GARIN1B: variants seen among roughly 807,000 people sequenced by gnomAD.
GARIN1B encodes the protein golgi associated RAB2 interactor 1B.
At chr7:128,729,968 C>G in the GARIN1B span, 6 of 1,614,080 alleles carry the variant, frequency 3.7e-6, no homozygotes, top group Admixed American at 3.3e-5. Context: ...GCTTCATTCA[C>G]GTACGGAGAG....
the GARIN1B span, chr7:128,725,007 C>A: frequency 3.1e-6 from 2 of 646,702 alleles, no homozygotes; most frequent in Non-Finnish European, 4.3e-6. Context: ...ATCCAGATGT[C>A]AGGATCCAAT....
At chr7:128,714,126 T>A in the GARIN1B span, 1 of 1,536,086 alleles carries the variant, frequency 6.5e-7, no homozygotes, top group Non-Finnish European at 8.7e-7. Flanking sequence ...ACTGATGGAA[T>A]TGGATGGTGA....
the GARIN1B span, among the ~76,000 whole-genome samples, chr7:128,718,546 A>G: frequency 6.6e-6 from 1 of 152,202 alleles, no homozygotes; most frequent in Admixed American, 6.5e-5. Context: ...TCTAGGGCAC[A>G]CGAGAATCAT....
chr7:128,715,305 C>T, the GARIN1B span: 6 of 1,478,810 alleles, frequency 4.1e-6, no homozygotes, highest in East Asian at 1.2e-4. Context: ...GCAGGTCTGT[C>T]CTGGTTTTTC....
At chr7:128,726,815 G>A in the GARIN1B span, 1 of 1,613,872 alleles carries the variant, frequency 6.2e-7, no homozygotes. Flanking sequence ...CCTTGATCCT[G>A]AAATGGCTCG....
the GARIN1B span, among the ~76,000 whole-genome samples, chr7:128,720,209 T>C: frequency 6.6e-6 from 1 of 151,438 alleles, no homozygotes; most frequent in Non-Finnish European, 1.5e-5. Flanking sequence ...TCTTCTTTTT[T>C]TTTTTTTTTG....
At chr7:128,726,565 C>T in the GARIN1B span, among the ~76,000 whole-genome samples, 42 of 152,150 alleles carry the variant, frequency 2.8e-4, no homozygotes, top group African/African-American at 9.6e-4. Context: ...GATGGAGTCA[C>T]CCCCTCCTCC....
At chr7:128,722,011 C>T in the GARIN1B span, among the ~76,000 whole-genome samples, 1 of 152,078 alleles carries the variant, frequency 6.6e-6, no homozygotes, top group African/African-American at 2.4e-5. Flanking sequence ...AGTTTGCTTA[C>T]ATTACATTAA....
the GARIN1B span, chr7:128,709,259 A>C: frequency 6.6e-6 from 1 of 152,214 alleles, no homozygotes; most frequent in African/African-American, 2.4e-5. Context: ...GGGGTCTTTG[A>C]CTACCTGGAC....
chr7:128,726,774 T>A, the GARIN1B span: 2 of 1,595,470 alleles, frequency 1.3e-6, no homozygotes, highest in Non-Finnish European at 1.7e-6. Context: ...ACAAATTTAA[T>A]GTTCTTTTCC....
At chr7:128,709,326 T>C in the GARIN1B span, 1 of 152,226 alleles carries the variant, frequency 6.6e-6, no homozygotes, top group Non-Finnish European at 1.5e-5. Context: ...CCTGTACCTC[T>C]CCTTTATTTG....
At chr7:128,723,893 T>A in the GARIN1B span, among the ~76,000 whole-genome samples, 1 of 152,202 alleles carries the variant, frequency 6.6e-6, no homozygotes, top group South Asian at 2.1e-4. Context: ...ACAGCAAGCA[T>A]GGTGGGCTTG....
the GARIN1B span, among the ~76,000 whole-genome samples, chr7:128,726,595 G>A: frequency 6.6e-6 from 1 of 151,840 alleles, no homozygotes; most frequent in African/African-American, 2.4e-5. Context: ...TCAGCAGCAT[G>A]GGCTCTGCTC....
chr7:128,714,895 G>A, the GARIN1B span, among the ~76,000 whole-genome samples: 1 of 152,140 alleles, frequency 6.6e-6, no homozygotes, highest in Non-Finnish European at 1.5e-5. Context: ...AAGTCCTGCA[G>A]AAGTAACCAG....
chr7:128,717,758 G>GTT, the GARIN1B span, among the ~76,000 whole-genome samples: 1 of 145,546 alleles, frequency 6.9e-6, no homozygotes. Flanking sequence ...GGTTTTTTTT[G>GTT]TTTTTTTTTT....
chr7:128,715,325 TC>T, the GARIN1B span: 1 of 1,507,536 alleles, frequency 6.6e-7, no homozygotes, highest in Non-Finnish European at 8.8e-7. Context: ...CATGATGTCA[TC>T]CATTCATCAT....
chr7:128,728,226 G>A, the GARIN1B span, among the ~76,000 whole-genome samples: 21 of 152,252 alleles, frequency 1.4e-4, no homozygotes, highest in East Asian at 3.3e-3. Context: ...GATGGATCAC[G>A]AGGTTAGGAG....
chr7:128,718,744 T>C, the GARIN1B span: 20 of 1,527,494 alleles, frequency 1.3e-5, no homozygotes, highest in South Asian at 2.5e-4. Flanking sequence ...GCCTTAGTCC[T>C]AAAGGAGACC....
the GARIN1B span, among the ~76,000 whole-genome samples, chr7:128,726,439 T>G: frequency 0.02 from 3,000 of 152,346 alleles, 47 homozygotes; most frequent in Middle Eastern, 0.058. Context: ...GTGATGATTT[T>G]TCTCTCATTT....
Sources: gnomAD v4.1 joint callset for allele counts (sites outside exome capture counted in the v4.1 genomes callset) on GRCh38, gnomAD v4.1.1 for gene constraint, MANE v1.5 for transcripts, NCBI Gene and HGNC (gene_info 2026-07-23, HGNC 2026-07-21) for gene names.